The following TRMT9B variants were observed in gnomAD, a reference collection of about 807,000 sequenced individuals.
The protein encoded by TRMT9B is tRNA methyltransferase 9B (putative).
A neutral mutation model predicts 11.5 loss-of-function variants in TRMT9B; 16 were observed. The observed-to-expected ratio is 1.39, with a 90% confidence interval of 0.94 to 2.11. The LOEUF (loss-of-function observed/expected upper bound fraction) is 2.11, where lower values mean the gene tolerates loss of function less well. Among genes scored for constraint, TRMT9B ranks in the 30% most tolerant of loss-of-function variants. TRMT9B has a pLI of 0.00. For missense variants in TRMT9B, 941 were observed against 553.8 expected (o/e 1.70, Z -7.02); for synonymous variants, 274 against 192.4 (o/e 1.42, Z -3.51).
At chr8:13,011,481 C>T in intron 3 of TRMT9B, 1 of 982,830 alleles carries the variant, frequency 1.0e-6, no homozygotes, top group Non-Finnish European at 1.2e-6. Context: ...AAAATTTCAT[C>T]AGTAATGCCA....
At chr8:12,977,180 G>C (rs1265264014) in intron 1 of TRMT9B, among the ~76,000 whole-genome samples, 1 of 152,230 alleles carries the variant, frequency 6.6e-6, no homozygotes, top group Non-Finnish European at 1.5e-5. Flanking sequence ...CCTGCTGTCA[G>C]ACAGATGGCT....
chr8:12,963,044 A>C (rs1802340297), intron 1 of TRMT9B, among the ~76,000 whole-genome samples: 1 of 152,246 alleles, frequency 6.6e-6, no homozygotes. Context: ...AAAGCAGGAA[A>C]TTCAAGAATA....
rs530682634 is a variant in TRMT9B, at chr8:13,022,949, C to G, written c.*905C>G. 2 of 166,488 alleles carry G rather than the reference C, an allele frequency of 1.2e-5. No individual in the cohort carries two copies. The highest frequency in any genetic ancestry group is 6.5e-5 in the Admixed American group (1 of 15,278). The allele number at this position is 166,488 out of a possible 1,614,324, so 10.3% of individuals were successfully genotyped here. A position where few individuals can be genotyped will look rare whatever the true frequency, so the allele number is the denominator to read the frequency against. ...AGTGAACTATGATTGCATCACTGCA[C>G]TGCAGCCTGGGCAACATAGCAAGAC... On this transcript the variant is annotated 3_prime_UTR_variant, in exon 5 of 5. Coordinates refer to ENST00000524591, the MANE Select transcript of TRMT9B (RefSeq NM_020844.3).
intron 1 of TRMT9B, among the ~76,000 whole-genome samples, chr8:12,966,381 A>T (rs918153795): frequency 6.6e-6 from 1 of 152,158 alleles, no homozygotes; most frequent in African/African-American, 2.4e-5. Flanking sequence ...TTGCTACTGT[A>T]TAATACTTTG....
chr8:13,021,582 A>G lies in TRMT9B; in HGVS notation c.903A>G (p.Ser301=), dbSNP rs370836865. ...ACTTTGATCACCAAGAGCCATTTTC[A>G]ACAAAAGGGCAAAGTTTAGATGAGG... is the stretch of plus-strand genomic sequence containing the variant. The part of the protein sequence containing the change: ...SLDFDHQEPF[S]TKGQSLDEEV... Residue 301 remains serine (S), a synonymous_variant, in exon 5 of 5, where the codon TCA becomes TCG. Coordinates refer to ENST00000524591, the MANE Select transcript of TRMT9B (RefSeq NM_020844.3). 3.8e-5 allele frequency: 61 copies of G among 1,613,808 alleles called. No individual in the cohort carries two copies. The highest frequency in any genetic ancestry group is 5.0e-5 in the Non-Finnish European group (59 of 1,179,868).
At chr8:12,977,636 G>A (rs1246808593) in intron 1 of TRMT9B, among the ~76,000 whole-genome samples, 1 of 152,158 alleles carries the variant, frequency 6.6e-6, no homozygotes, top group Non-Finnish European at 1.5e-5. Context: ...GGGAGGCAGA[G>A]GTTGCAGTGA....
intron 1 of TRMT9B, among the ~76,000 whole-genome samples, chr8:12,977,584 C>A (rs1209113172): frequency 1.3e-5 from 2 of 152,168 alleles, no homozygotes; most frequent in East Asian, 3.9e-4. Context: ...GCCTATAATC[C>A]CAGCTACTTG....
chr8:12,952,342 C>G lies in TRMT9B; in HGVS notation c.-200+6376C>G, dbSNP rs188135719. 6.7e-4 allele frequency: 218 copies of G among 323,350 alleles called. No homozygotes were observed. The East Asian group carries it at 0.021, about 31-fold the overall frequency. The allele number at this position is 323,350 out of a possible 1,614,324, so 20.0% of individuals were successfully genotyped here. A position where few individuals can be genotyped will look rare whatever the true frequency, so the allele number is the denominator to read the frequency against. On this transcript the variant is annotated intron_variant, in intron 1 of 4. Coordinates refer to ENST00000524591, the MANE Select transcript of TRMT9B (RefSeq NM_020844.3). ...TAGCGCGTGCCCCGGAGCCCGCGCC[C>G]GGGTCTGGCCGCCTGGGTGAGTTCC... is the stretch of plus-strand genomic sequence containing the variant.
intron 2 of TRMT9B, among the ~76,000 whole-genome samples, chr8:13,003,948 C>G (rs1056491939): frequency 6.6e-6 from 1 of 151,664 alleles, no homozygotes; most frequent in African/African-American, 2.4e-5. Flanking sequence ...CCTCCTCCAA[C>G]TCCCTGGCAG....
At chr8:12,965,566 T>G (rs1275220067) in intron 1 of TRMT9B, among the ~76,000 whole-genome samples, 1 of 152,074 alleles carries the variant, frequency 6.6e-6, no homozygotes, top group Non-Finnish European at 1.5e-5. Context: ...GACCCGAAAG[T>G]CTTTTTCTTC....
intron 1 of TRMT9B, among the ~76,000 whole-genome samples, chr8:12,967,451 A>C (rs1263535399): frequency 6.6e-6 from 1 of 152,196 alleles, no homozygotes; most frequent in Admixed American, 6.6e-5. Context: ...GGATGGTGAC[A>C]ACGATGATTT....
At chr8:13,010,819 A>G (rs1471432026) in intron 3 of TRMT9B, 1 of 982,970 alleles carries the variant, frequency 1.0e-6, no homozygotes, top group Non-Finnish European at 1.2e-6. Flanking sequence ...CAGGATTTTA[A>G]TTTTAAAATA....
chr8:13,025,765 C>T lies in TRMT9B; in HGVS notation c.*3721C>T, dbSNP rs1519149. 1.8e-5 allele frequency: 3 copies of T among 166,780 alleles called. No individual in the cohort carries two copies. The highest frequency in any genetic ancestry group is 4.4e-5 in the Non-Finnish European group (3 of 68,116). The allele number at this position is 166,780 out of a possible 1,614,324, so 10.3% of individuals were successfully genotyped here. A position where few individuals can be genotyped will look rare whatever the true frequency, so the allele number is the denominator to read the frequency against. On this transcript the variant is annotated 3_prime_UTR_variant, in exon 5 of 5. Coordinates refer to ENST00000524591, the MANE Select transcript of TRMT9B (RefSeq NM_020844.3). ...ACACAAACGTCTTGGAGTTTGGTTT[C>T]GTTCTCTTTTCTCATCATAGATCTC...
chr8:12,973,977 T>C (rs1476210851), intron 1 of TRMT9B, among the ~76,000 whole-genome samples: 5 of 152,112 alleles, frequency 3.3e-5, no homozygotes, highest in African/African-American at 7.2e-5. Context: ...CTGAGCATTA[T>C]AGTGAGATGT....
chr8:12,993,769 G>A (rs1457611336), intron 2 of TRMT9B, among the ~76,000 whole-genome samples: 1 of 152,204 alleles, frequency 6.6e-6, no homozygotes, highest in African/African-American at 2.4e-5. Flanking sequence ...CTCTTTCACT[G>A]TGGCCCCCAC....
At chr8:12,989,506 A>C (rs1398039956) in intron 1 of TRMT9B, among the ~76,000 whole-genome samples, 1 of 152,162 alleles carries the variant, frequency 6.6e-6, no homozygotes, top group African/African-American at 2.4e-5. Context: ...TATGCCTCCT[A>C]CTTCTACACT....
chr8:12,968,342 C>A (rs1585127667), intron 1 of TRMT9B, among the ~76,000 whole-genome samples: 1 of 152,204 alleles, frequency 6.6e-6, no homozygotes, highest in East Asian at 1.9e-4. Context: ...TTCCTGGTTT[C>A]TGTCCCTTTA....
intron 3 of TRMT9B, chr8:13,006,660 A>G: frequency 7.4e-7 from 1 of 1,346,862 alleles, no homozygotes; most frequent in Non-Finnish European, 9.5e-7. Context: ...AACTTTCTCA[A>G]ACTTTTATTT....
chr8:13,025,329 A>G lies in TRMT9B; in HGVS notation c.*3285A>G. Reference sequence around the variant, plus strand: ...AGGTCAGGAGTTTGAGACCAGCCTGACCAACATGGTGAAACCCCGTCTTTA... The same window carrying G: ...AGGTCAGGAGTTTGAGACCAGCCTGGCCAACATGGTGAAACCCCGTCTTTA... On this transcript the variant is annotated 3_prime_UTR_variant, in exon 5 of 5. Transcript: ENST00000524591. The G allele has an allele frequency of 6.0e-6, 1 of 165,670 alleles. No individual in the cohort carries two copies. The allele number at this position is 165,670 out of a possible 1,614,324, so 10.3% of individuals were successfully genotyped here.
Sources: allele counts gnomAD v4.1 joint callset (sites outside exome capture counted in the v4.1 genomes callset), GRCh38; gene constraint gnomAD v4.1.1; transcripts MANE v1.5; gene names NCBI Gene and HGNC (gene_info 2026-07-23, HGNC 2026-07-21).